Variants in KIRREL3 observed in about 807,000 individuals in gnomAD.
The protein encoded by KIRREL3 is kirre like nephrin family adhesion molecule 3.
Under a neutral mutation model 89.7 loss-of-function variants are expected in KIRREL3, and 36 were observed. The observed-to-expected ratio is 0.40, with a 90% CI of 0.31 to 0.53. KIRREL3 has a LOEUF of 0.53. KIRREL3 is among the 20% of genes least tolerant of loss of function. The pLI, the probability that KIRREL3 is intolerant of heterozygous loss-of-function variation, is 0.49. For missense variants in KIRREL3, 864 were observed against 1,056.6 expected, an observed-to-expected ratio of 0.82 and a Z score of 2.53; for synonymous variants, 445 against 441.4, an observed-to-expected ratio of 1.01 and a Z score of -0.10.
chr11:126,457,769 C>T (rs1332082387), intron 6 of KIRREL3, among the ~76,000 whole-genome samples: 1 of 152,146 alleles, frequency 6.6e-6, no homozygotes, highest in Non-Finnish European at 1.5e-5. Context: ...AGACCCGGCA[C>T]ATAGGGCCCG....
intron 1 of KIRREL3, among the ~76,000 whole-genome samples, chr11:126,681,032 T>G (rs997988644): frequency 6.6e-6 from 1 of 152,196 alleles, no homozygotes; most frequent in East Asian, 1.9e-4. Context: ...GGCAAATGTG[T>G]GCATTTTGGT....
chr11:126,575,076 T>C lies in KIRREL3; in HGVS notation c.56-12164A>G, dbSNP rs1359513619. Among the ~76,000 whole-genome samples the C allele has an allele frequency of 6.6e-6, 1 of 152,176 alleles. No individual in the cohort carries two copies. The highest frequency in any genetic ancestry group is 1.5e-5 in the Non-Finnish European group (1 of 68,042). On this transcript the variant is annotated intron_variant, in intron 1 of 16. Coordinates refer to ENST00000525144, the MANE Select transcript of KIRREL3 (RefSeq NM_032531.4). This position sits in a 1 kb window ranked among gnomAD's most constrained non-coding sequence, Gnocchi z 7.0. ...TGGAGGAGGCCGGTGGCCCAGGGCC[T>C]GAACTGCAGGAGAATTTATACTTCT...
At chr11:126,753,207 G>A (rs760765165) in intron 1 of KIRREL3, among the ~76,000 whole-genome samples, 9 of 152,152 alleles carry the variant, frequency 5.9e-5, no homozygotes, top group Non-Finnish European at 8.8e-5. Flanking sequence ...TTGTTTGCCC[G>A]CTCCTTACAC....
Position 126,987,056 on chromosome 11 carries a change from C to T in KIRREL3, c.55+13399G>A, listed in dbSNP as rs902833245. 6.6e-6 allele frequency among the ~76,000 whole-genome samples: 1 copy of T among 152,156 alleles called. No individual in the cohort carries two copies. The highest frequency in any genetic ancestry group is 2.4e-5 in the African/African-American group (1 of 41,430). On this transcript the variant is annotated intron_variant, in intron 1 of 16. Transcript: ENST00000525144. This position sits in a 1 kb window ranked among gnomAD's most constrained non-coding sequence, Gnocchi z 4.6. ...AAAAATGGGGATTTCTAACAATCTCCAAGTTGACCTGCAGACCACACTTGA... is the reference window on the plus strand; with the variant it reads ...AAAAATGGGGATTTCTAACAATCTCTAAGTTGACCTGCAGACCACACTTGA...
In KIRREL3 at chr11:126,818,624, AGT is replaced by A. The variant is rs758712840; in HGVS notation, c.55+181829_55+181830del. 2.8e-3 allele frequency among the ~76,000 whole-genome samples: 160 copies of A among 56,694 alleles called. 1 individual carries two copies. Among genetic ancestry groups the A allele is most frequent in the Non-Finnish European group, 3.8e-3 (117 of 30,984 alleles). The allele number at this position is 56,694 out of a possible 152,430, so 37.2% of individuals were successfully genotyped here. A position where few individuals can be genotyped will look rare whatever the true frequency, so the allele number is the denominator to read the frequency against. On this transcript the variant is annotated intron_variant, in intron 1 of 16. Coordinates refer to ENST00000525144, the MANE Select transcript of KIRREL3 (RefSeq NM_032531.4). ...ATTGTGTAGTAGTAGTAGTAGTAGT[AGT>A]GTGTGTGTGTGTGTGTGTGTGTGTG... is the stretch of plus-strand genomic sequence containing the variant.
At chr11:126,926,950 A>G (rs1197428485) in intron 1 of KIRREL3, among the ~76,000 whole-genome samples, 1 of 152,238 alleles carries the variant, frequency 6.6e-6, no homozygotes, top group Non-Finnish European at 1.5e-5. Flanking sequence ...TTTTATCCTG[A>G]GCCATGACAG....
At chr11:126,449,627 G>A (rs1239739985) in intron 7 of KIRREL3, among the ~76,000 whole-genome samples, 1 of 152,112 alleles carries the variant, frequency 6.6e-6, no homozygotes, top group Non-Finnish European at 1.5e-5. Context: ...TCATACGTGT[G>A]CACGAGCACA....
intron 1 of KIRREL3, among the ~76,000 whole-genome samples, chr11:126,932,673 G>A (rs893020171): frequency 5.3e-5 from 8 of 152,164 alleles, no homozygotes; most frequent in South Asian, 2.1e-4. Flanking sequence ...CCAGCTCTTC[G>A]CATGGCCAGA....
Position 126,552,550 on chromosome 11 carries a change from GTTTTTTTT to G in KIRREL3, c.133+10277_133+10284del, listed in dbSNP as rs59392843. Among the ~76,000 whole-genome samples, 325 of 81,768 alleles carry G rather than the reference GTTTTTTTT, an allele frequency of 4.0e-3. 3 individuals carry two copies. Among genetic ancestry groups the G allele is most frequent in the African/African-American group, 0.012 (288 of 23,496 alleles). 53.6% of individuals were successfully genotyped at this position (81,768 alleles called of 152,430 possible). ...TGCATCACACAGGGGAGAGAGAAAA[GTTTTTTTT>G]TTTTTTTTTTTTTTTTTTTTTTTGA... On this transcript the variant is annotated intron_variant, in intron 2 of 16. Transcript: ENST00000525144.
chr11:126,546,380 G>T (rs996696310), intron 2 of KIRREL3, among the ~76,000 whole-genome samples: 11 of 152,174 alleles, frequency 7.2e-5, no homozygotes, highest in Admixed American at 2.6e-4. Flanking sequence ...GGGCAAGGTT[G>T]CTGCCACCAG....
intron 12 of KIRREL3, among the ~76,000 whole-genome samples, chr11:126,436,423 A>G (rs531154504): frequency 1.6e-4 from 24 of 152,362 alleles, no homozygotes; most frequent in African/African-American, 5.8e-4. Flanking sequence ...CCACCCAGGC[A>G]TGACACTTTG....
intron 4 of KIRREL3, among the ~76,000 whole-genome samples, chr11:126,482,826 C>T (rs1041843130): frequency 6.6e-6 from 1 of 152,248 alleles, no homozygotes; most frequent in African/African-American, 2.4e-5. Context: ...GAGGCACACA[C>T]TGCTTATGGG....
chr11:126,882,589 T>C (rs897734579), intron 1 of KIRREL3, among the ~76,000 whole-genome samples: 1 of 152,222 alleles, frequency 6.6e-6, no homozygotes, highest in African/African-American at 2.4e-5. Context: ...ATTACGTCCC[T>C]CAATCCTCTG....
Position 126,628,127 on chromosome 11 carries a change from CTT to C in KIRREL3, c.56-65217_56-65216del, listed in dbSNP as rs1298668820. ...TAATTTGGGGCTATCAGAGAGAAGTCTTTGCTCAGACAAGACTGGTCCCTCTG... is the reference window on the plus strand; with the variant it reads ...TAATTTGGGGCTATCAGAGAGAAGTCTGCTCAGACAAGACTGGTCCCTCTG... On this transcript the variant is annotated intron_variant, in intron 1 of 16. Transcript: ENST00000525144. The surrounding 1 kb of genome is among the most constrained non-coding windows in gnomAD (Gnocchi z 5.2). 6.6e-6 allele frequency among the ~76,000 whole-genome samples: 1 copy of C among 152,234 alleles called. No individual in the cohort carries two copies. The highest frequency in any genetic ancestry group is 2.4e-5 in the African/African-American group (1 of 41,452).
chr11:126,811,718 C>T lies in KIRREL3; in HGVS notation c.55+188737G>A, dbSNP rs778888147. Among the ~76,000 whole-genome samples, 1 of 152,136 alleles carries T rather than the reference C, an allele frequency of 6.6e-6. No homozygotes were observed. Among genetic ancestry groups the T allele is most frequent in the East Asian group, 1.9e-4 (1 of 5,198 alleles). On this transcript the variant is annotated intron_variant, in intron 1 of 16. Coordinates refer to ENST00000525144, the MANE Select transcript of KIRREL3 (RefSeq NM_032531.4). The surrounding 1 kb of genome is among the most constrained non-coding windows in gnomAD (Gnocchi z 4.3). ...TACTCTGCTTCAGCCTCCCAAGTAG[C>T]GGGGATTACCGGCGCCTGCTACCAT...
chr11:126,922,469 G>T (rs1274997212), intron 1 of KIRREL3, among the ~76,000 whole-genome samples: 1 of 151,870 alleles, frequency 6.6e-6, no homozygotes, highest in Non-Finnish European at 1.5e-5. Context: ...ACTCATCATC[G>T]TGTGCCTGAT....
chr11:126,589,307 A>G (rs1200452272), intron 1 of KIRREL3, among the ~76,000 whole-genome samples: 1 of 152,244 alleles, frequency 6.6e-6, no homozygotes. Flanking sequence ...AACAGAAGCT[A>G]CAACCTGCGT....
Position 126,562,969 on chromosome 11 carries a change from G to A in KIRREL3, c.56-57C>T. 7.3e-7 allele frequency: 1 copy of A among 1,366,270 alleles called. No homozygotes were observed. Among genetic ancestry groups the A allele is most frequent in the South Asian group, 1.2e-5 (1 of 83,194 alleles). The allele number at this position is 1,366,270 out of a possible 1,614,324, so 84.6% of individuals were successfully genotyped here. ...AATGGGAACAGGTCAGGCATTGTTG[G>A]GGGGCCCTCTGCAGGGGGCTGTGGA... is the stretch of plus-strand genomic sequence containing the variant. On this transcript the variant is annotated intron_variant, in intron 1 of 16. Coordinates refer to ENST00000525144, the MANE Select transcript of KIRREL3 (RefSeq NM_032531.4). This position sits in a 1 kb window ranked among gnomAD's most constrained non-coding sequence, Gnocchi z 4.7.
rs1951416247 is a variant in KIRREL3, at chr11:126,812,283, G to GTAA, written c.55+188171_55+188172insTTA. The stretch of plus-strand genomic sequence containing the variant: ...GGCAGGCACTCATTACTATTGTTTT[G>GTAA]TAGATGTGGCTGGTGATAATAATGA... On this transcript the variant is annotated intron_variant, in intron 1 of 16. Transcript: ENST00000525144. The surrounding 1 kb of genome is among the most constrained non-coding windows in gnomAD (Gnocchi z 5.2). 6.6e-6 allele frequency among the ~76,000 whole-genome samples: 1 copy of GTAA among 152,110 alleles called. No homozygotes were observed. The highest frequency in any genetic ancestry group is 1.5e-5 in the Non-Finnish European group (1 of 68,026).
Sources: gnomAD v4.1 joint callset for allele counts (sites outside exome capture counted in the v4.1 genomes callset) on GRCh38, gnomAD v4.1.1 for gene constraint, Gnocchi (gnomAD v3.1) non-coding constraint, MANE v1.5 for transcripts, NCBI Gene and HGNC (gene_info 2026-07-23, HGNC 2026-07-21) for gene names.